The following VPS53 variants were observed in gnomAD, a reference collection of about 807,000 sequenced individuals.
The protein encoded by VPS53 is VPS53 subunit of GARP complex.
A neutral mutation model predicts 107.0 loss-of-function variants in VPS53; 70 were observed. That is an observed-to-expected ratio of 0.65 (90% CI 0.54 to 0.80). VPS53 has a LOEUF of 0.80. Ranked by LOEUF, VPS53 falls within the 30% of genes least tolerant of loss-of-function variation. The probability of loss-of-function intolerance (pLI) is 0.00; values close to 1 mark genes in which losing one functional copy is unlikely to be tolerated. For synonymous variants in VPS53, 409 were observed against 393.3 expected (o/e 1.04, Z -0.47); for missense variants, 917 against 1,049.4 (o/e 0.87, Z 1.74).
Position 653,311 on chromosome 17 carries a change from C to A in VPS53, c.588G>T (p.Gln196His). 6.2e-7 allele frequency: 1 copy of A among 1,614,196 alleles called. No individual in the cohort carries two copies. The highest frequency in any genetic ancestry group is 8.5e-7 in the Non-Finnish European group (1 of 1,180,046). ...TTTACCTTTCGGAAAGCTGCCGGAT[C>A]TGCGGAATCCCCATATACTTGTGGA... ...EHFHKYMGIP[Q>H]IRQLSERVKA... The change falls in exon 7 of 22, where the codon CAG becomes CAT. Residue 196 changes from glutamine to histidine, a missense_variant. Transcript: ENST00000437048.
chr17:639,921 C>T lies in VPS53; in HGVS notation c.609-8293G>A, dbSNP rs150636095. Among the ~76,000 whole-genome samples, 1,512 of 152,328 alleles carry T rather than the reference C, an allele frequency of 9.9e-3. 26 individuals are homozygous for T. Among genetic ancestry groups the T allele is most frequent in the African/African-American group, 0.034 (1,414 of 41,572 alleles). On this transcript the variant is annotated intron_variant, in intron 7 of 21. Coordinates refer to ENST00000437048, the MANE Select transcript of VPS53 (RefSeq NM_001128159.3). ...GTGCTGGGAGAACCACTACTCTCTT[C>T]AAAGCTGTCAGACAGGGACATTTAA...
At chr17:688,547 C>A (rs556439454) in intron 4 of VPS53, among the ~76,000 whole-genome samples, 1 of 152,288 alleles carries the variant, frequency 6.6e-6, no homozygotes, top group East Asian at 1.9e-4. Context: ...CCCAGTTGCA[C>A]TACATTGTTA....
At chr17:661,747 C>G (rs962093381) in intron 5 of VPS53, 62 bp downstream of exon 5, 10 of 1,474,088 alleles carry the variant, frequency 6.8e-6, no homozygotes, top group Non-Finnish European at 9.2e-6. Flanking sequence ...TATTAGAATG[C>G]CTAGATGAGA....
chr17:547,108 C>T (rs985875565), intron 17 of VPS53, among the ~76,000 whole-genome samples: 2 of 152,104 alleles, frequency 1.3e-5, no homozygotes, highest in African/African-American at 4.8e-5. Flanking sequence ...AACTCCTGAC[C>T]TCAGGTGATC....
At chr17:549,480 G>C (rs1237291176) in intron 17 of VPS53, among the ~76,000 whole-genome samples, 1 of 152,064 alleles carries the variant, frequency 6.6e-6, no homozygotes, top group Non-Finnish European at 1.5e-5. Context: ...GGCAGAAGTG[G>C]AGGGTGGGAC....
chr17:607,198 A>G (rs1357870696), intron 11 of VPS53, among the ~76,000 whole-genome samples: 2 of 152,210 alleles, frequency 1.3e-5, no homozygotes, highest in Admixed American at 1.3e-4. Flanking sequence ...GTGGGCATGC[A>G]GGCTTAAAAG....
At chr17:554,183 G>A (rs529970482) in intron 15 of VPS53, among the ~76,000 whole-genome samples, 19 of 152,210 alleles carry the variant, frequency 1.2e-4, no homozygotes, top group East Asian at 9.6e-4. Flanking sequence ...ATGCTACTAC[G>A]GGCCAAGCAC....
At chr17:646,383 ACCGTGTGG>A (rs1214137977) in intron 7 of VPS53, among the ~76,000 whole-genome samples, 5 of 128,764 alleles carry the variant, frequency 3.9e-5, no homozygotes, top group African/African-American at 1.4e-4. Flanking sequence ...CATCTCCGTG[ACCGTGTGG>A]CCACTGCCTC....
rs191106542 is a variant in VPS53, at chr17:638,088, T to A, written c.609-6460A>T. 9.7e-4 allele frequency among the ~76,000 whole-genome samples: 148 copies of A among 152,376 alleles called. 1 individual carries two copies. Among genetic ancestry groups the A allele is most frequent in the African/African-American group, 3.3e-3 (138 of 41,584 alleles). ...AGTTTCTAAGGACTTGCTTTATGAA[T>A]CTGCGTACTCCTGTATTGGGTGCAT... On this transcript the variant is annotated intron_variant, in intron 7 of 21. Transcript: ENST00000437048.
chr17:617,190 C>G (rs1461489909), intron 11 of VPS53, among the ~76,000 whole-genome samples: 1 of 152,226 alleles, frequency 6.6e-6, no homozygotes, highest in Admixed American at 6.5e-5. Flanking sequence ...GGGGCCTGTG[C>G]TCAATGCTGA....
At chr17:535,597 G>A (rs920715289) in intron 18 of VPS53, among the ~76,000 whole-genome samples, 2 of 152,136 alleles carry the variant, frequency 1.3e-5, no homozygotes, top group East Asian at 1.9e-4. Context: ...ATGAGACCCC[G>A]GAGCAGCCAC....
intron 4 of VPS53, among the ~76,000 whole-genome samples, chr17:667,363 G>A (rs184398823): frequency 2.8e-4 from 42 of 151,878 alleles, no homozygotes; most frequent in Non-Finnish European, 4.3e-4. Context: ...AAAAGATGGC[G>A]TAAAGGGAGT....
In VPS53 at chr17:714,608, G is replaced by A; in HGVS notation, c.87+15C>T. ...CCGCACTCCCGTTTCCCCTCCTGAG[G>A]GGCGGAACGCTTACCTGCTCGATGG... On this transcript the variant is annotated intron_variant, in intron 1 of 21. Coordinates refer to ENST00000437048, the MANE Select transcript of VPS53 (RefSeq NM_001128159.3). 6.2e-7 allele frequency: 1 copy of A among 1,606,204 alleles called. No individual in the cohort carries two copies. The highest frequency in any genetic ancestry group is 8.5e-7 in the Non-Finnish European group (1 of 1,175,878).
At position 520,885 on chromosome 17, in the gene VPS53, A is replaced by ACCCTCACCTACATGAGCTCTTCC. The variant is rs1235682517; in HGVS notation, c.2223+715_2223+716insGGAAGAGCTCATGTAGGTGAGGG. ...TCACCCTCACCTACATGAGCTCTTC[A>ACCCTCACCTACATGAGCTCTTCC]CCCTTACCTACATGAGCTGCTTCAT... On this transcript the variant is annotated intron_variant, in intron 20 of 21. Transcript: ENST00000437048. The surrounding 1 kb of genome is among the most constrained non-coding windows in gnomAD (Gnocchi z 4.4). 6.6e-6 allele frequency among the ~76,000 whole-genome samples: 1 copy of ACCCTCACCTACATGAGCTCTTCC among 150,524 alleles called. No individual in the cohort carries two copies. Among genetic ancestry groups the ACCCTCACCTACATGAGCTCTTCC allele is most frequent in the African/African-American group, 2.5e-5 (1 of 40,800 alleles).
At chr17:561,357 C>T (rs1380187775) in intron 14 of VPS53, among the ~76,000 whole-genome samples, 1 of 152,196 alleles carries the variant, frequency 6.6e-6, no homozygotes, top group Non-Finnish European at 1.5e-5. Context: ...CTTGCCCCCA[C>T]TTCTGTGAAC....
chr17:601,975 T>C, intron 11 of VPS53, 79 bp from the exon 12 acceptor site: 1 of 1,097,754 alleles, frequency 9.1e-7, no homozygotes, highest in Non-Finnish European at 1.3e-6. Context: ...TTTTTCTAGG[T>C]GTCTCCAACA....
At chr17:612,577 A>T (rs547148205) in intron 11 of VPS53, among the ~76,000 whole-genome samples, 1 of 151,172 alleles carries the variant, frequency 6.6e-6, no homozygotes, top group South Asian at 2.1e-4. Flanking sequence ...TACTCACAGC[A>T]GTAATCAAAT....
At position 560,580 on chromosome 17, in the gene VPS53, A is replaced by C. The variant is rs564131549; in HGVS notation, c.1557-7T>G. Reference sequence around the variant, plus strand: ...TCCACTGCTGGTTGTGGTTCTGAAGAAAAGGAACAGGAACAAGTCAGCATG... The same window carrying C: ...TCCACTGCTGGTTGTGGTTCTGAAGCAAAGGAACAGGAACAAGTCAGCATG... On this transcript the variant is annotated splice_polypyrimidine_tract_variant and splice_region_variant and intron_variant, in intron 14 of 21. Transcript: ENST00000437048. The C allele has an allele frequency of 6.2e-6, 10 of 1,612,472 alleles. No individual in the cohort carries two copies. The highest frequency in any genetic ancestry group is 8.5e-6 in the Non-Finnish European group (10 of 1,179,210).
chr17:667,888 A>AC (rs1334726588), intron 4 of VPS53, among the ~76,000 whole-genome samples: 3 of 152,048 alleles, frequency 2.0e-5, no homozygotes, highest in African/African-American at 4.8e-5. Flanking sequence ...AGGAGCGCGA[A>AC]CCCTACTGTG....
Sources: allele counts gnomAD v4.1 joint callset (sites outside exome capture counted in the v4.1 genomes callset), GRCh38; gene constraint gnomAD v4.1.1; non-coding constraint Gnocchi (gnomAD v3.1); transcripts MANE v1.5; gene names NCBI Gene and HGNC (gene_info 2026-07-23, HGNC 2026-07-21).